Variants in LRRC41 observed in about 807,000 individuals in gnomAD.
LRRC41 encodes the protein leucine rich repeat containing 41.
In LRRC41, 17 loss-of-function variants were observed where a neutral mutation model predicts 72.1. That is an observed-to-expected ratio of 0.24 (90% CI 0.16 to 0.35). The LOEUF is 0.35. LRRC41 is among the 10% of genes least tolerant of loss of function. LRRC41 has a pLI of 1.00. For missense variants in LRRC41, 759 were observed against 1,065.0 expected, an observed-to-expected ratio of 0.71 and a Z score of 4.00; for synonymous variants, 427 against 431.0, an observed-to-expected ratio of 0.99 and a Z score of 0.11.
rs749611106 is a variant in LRRC41 at position 46,279,505 on chromosome 1, T to A, written c.2130A>T (p.Pro710=). 1.9e-6 allele frequency: 3 copies of A among 1,614,238 alleles called. No homozygotes were observed. The highest frequency in any genetic ancestry group is 1.6e-4 in the Middle Eastern group (1 of 6,062). The change falls in exon 8 of 10, where the codon CCA becomes CCT. Residue 710 remains proline (P), a synonymous_variant. Coordinates refer to ENST00000617190, the MANE Select transcript of LRRC41 (RefSeq NM_006369.5). The surrounding 1 kb of genome is among the most constrained non-coding windows in gnomAD (Gnocchi z 4.5). ...TCTGGCCCCCACCCAGGCGGTTCCC[T>A]GGCAGCCGGAGGCCCTTCAGTGTGG... ...GNSTLKGLRL[P]GNRLGNAGLL... is the part of the protein sequence containing the mutation.
intron 1 of LRRC41, chr1:46,299,732 C>G (rs1039031063): frequency 6.6e-6 from 1 of 151,902 alleles, no homozygotes; most frequent in Non-Finnish European, 1.5e-5. Flanking sequence ...CAAAAATTAG[C>G]CAGGTGTAAT....
At chr1:46,297,526 A>G (rs919098528) in intron 3 of LRRC41, 37 bp downstream of exon 3, 14 of 1,548,152 alleles carry the variant, frequency 9.0e-6, no homozygotes, top group Non-Finnish European at 1.2e-5. Flanking sequence ...TTACCATGCA[A>G]AATCAGGCTA....
Position 46,286,052 on chromosome 1 carries a change from C to T in LRRC41, c.805G>A (p.Ala269Thr). ...GGPPCRLCGE[A>T]SRGRAPSRDE... ...CGGGATGGGGCCCGGCCTCGGGAGG[C>T]CTCTCCACAGAGGCGGCAGGGTGGG... The change falls in exon 4 of 10, where the codon GCC becomes ACC. Residue 269 changes from alanine (A) to threonine (T), a missense_variant. Ala to Thr is a moderately conservative substitution (Grantham distance 58). This residue lies in a region of LRRC41 where 427 missense variants were observed against 520.9 expected (regional missense o/e 0.82). Transcript: ENST00000617190. The surrounding 1 kb of genome is among the most constrained non-coding windows in gnomAD (Gnocchi z 5.5). The T allele has an allele frequency of 6.2e-7, 1 of 1,602,768 alleles. No homozygotes were observed. Among genetic ancestry groups the T allele is most frequent in the South Asian group, 1.1e-5 (1 of 90,324 alleles).
chr1:46,303,469 T>C lies in LRRC41; in HGVS notation c.-147A>G. On this transcript the variant is annotated 5_prime_UTR_variant, in exon 1 of 10. Coordinates refer to ENST00000617190, the MANE Select transcript of LRRC41 (RefSeq NM_006369.5). ...AAGAAATTAGCACACTTTCCAAGTC[T>C]CTTAGGAGCTACTATTTTAGATAAA... 1.2e-6 allele frequency: 1 copy of C among 811,350 alleles called. No individual in the cohort carries two copies. The highest frequency in any genetic ancestry group is 1.9e-6 in the Non-Finnish European group (1 of 532,586). The allele number at this position is 811,350 out of a possible 1,614,324, so 50.3% of individuals were successfully genotyped here. A position where few individuals can be genotyped will look rare whatever the true frequency, so the allele number is the denominator to read the frequency against.
intron 3 of LRRC41, among the ~76,000 whole-genome samples, chr1:46,290,840 T>A (rs1660995766): frequency 6.6e-6 from 1 of 151,374 alleles, no homozygotes; most frequent in African/African-American, 2.4e-5. Context: ...ACTCCTGAGC[T>A]CAGGTGATCC....
At chr1:46,290,548 T>C (rs1346426007) in intron 3 of LRRC41, among the ~76,000 whole-genome samples, 1 of 152,208 alleles carries the variant, frequency 6.6e-6, no homozygotes, top group Non-Finnish European at 1.5e-5. Flanking sequence ...TTTTAGAATA[T>C]TTTATTTTGA....
chr1:46,286,582 T>C lies in LRRC41; in HGVS notation c.358-83A>G. ...TCCCTCTCTTCCAATAGCACACTAT[T>C]TACTGAGTCAGGCAACACTACAAAT... On this transcript the variant is annotated intron_variant, in intron 3 of 9. Coordinates refer to ENST00000617190, the MANE Select transcript of LRRC41 (RefSeq NM_006369.5). The surrounding 1 kb of genome is among the most constrained non-coding windows in gnomAD (Gnocchi z 5.5). 1.6e-6 allele frequency: 2 copies of C among 1,270,578 alleles called. No homozygotes were observed. The highest frequency in any genetic ancestry group is 2.2e-6 in the Non-Finnish European group (2 of 916,548). The allele number at this position is 1,270,578 out of a possible 1,614,324, so 78.7% of individuals were successfully genotyped here. A position where few individuals can be genotyped will look rare whatever the true frequency, so the allele number is the denominator to read the frequency against.
rs1449785184 is a variant in LRRC41, at chr1:46,285,460, T to C, written c.1397A>G (p.Glu466Gly). The change falls in exon 4 of 10, where the codon GAG becomes GGG. Residue 466 changes from glutamate (E) to glycine (G), a missense_variant. Glu to Gly is a moderately conservative substitution (Grantham distance 98). Transcript: ENST00000617190. The surrounding 1 kb of genome is among the most constrained non-coding windows in gnomAD (Gnocchi z 5.3). ...TGTGGAGAGTGGAACTGTGAATAGC[T>C]CCAAGGTGGAGATGCTGCGGAATCT... The part of the protein sequence containing the change: ...SQRFRSISTL[E>G]LFTVPLSTEA... The C allele has an allele frequency of 6.2e-7, 1 of 1,614,064 alleles. No individual in the cohort carries two copies.
rs1282156609 is a variant in LRRC41 at position 46,286,703 on chromosome 1, T to C, written c.358-204A>G. 6.6e-6 allele frequency among the ~76,000 whole-genome samples: 1 copy of C among 152,240 alleles called. No individual in the cohort carries two copies. Among genetic ancestry groups the C allele is most frequent in the Admixed American group, 6.5e-5 (1 of 15,282 alleles). ...AAGAGGTGGCCACACAGGTAAGTGG[T>C]TGGATTATTTGAACCCTGGAAATCT... On this transcript the variant is annotated intron_variant, in intron 3 of 9. Transcript: ENST00000617190. This position sits in a 1 kb window ranked among gnomAD's most constrained non-coding sequence, Gnocchi z 5.5.
In LRRC41 at chr1:46,286,541, T is replaced by C. The variant is rs1002698037; in HGVS notation, c.358-42A>G. ...ATGCCAGACAGCCATGATATATCCA[T>C]GAAACTGTCCAAATTTCCCTCTCTT... On this transcript the variant is annotated intron_variant, in intron 3 of 9. Coordinates refer to ENST00000617190, the MANE Select transcript of LRRC41 (RefSeq NM_006369.5). This position sits in a 1 kb window ranked among gnomAD's most constrained non-coding sequence, Gnocchi z 5.5. 3 of 1,531,414 alleles carry C rather than the reference T, an allele frequency of 2.0e-6. No homozygotes were observed. Among genetic ancestry groups the C allele is most frequent in the Non-Finnish European group, 2.6e-6 (3 of 1,139,246 alleles). 94.9% of individuals were successfully genotyped at this position (1,531,414 alleles called of 1,614,324 possible).
intron 2 of LRRC41, among the ~76,000 whole-genome samples, chr1:46,297,867 A>C (rs572452477): frequency 9.8e-5 from 15 of 152,336 alleles, no homozygotes; most frequent in Non-Finnish European, 1.8e-4. Flanking sequence ...TAAAATGTTA[A>C]TAACAGCTAT....
chr1:46,289,378 TAA>T (rs1318625803), intron 3 of LRRC41, among the ~76,000 whole-genome samples: 1 of 152,144 alleles, frequency 6.6e-6, no homozygotes, highest in Non-Finnish European at 1.5e-5. Context: ...GTTAAATGAG[TAA>T]AGTTATGACA....
chr1:46,303,353 G>A lies in LRRC41; in HGVS notation c.-31C>T. On this transcript the variant is annotated 5_prime_UTR_variant, in exon 1 of 10. It introduces an in-frame stop codon into an upstream open reading frame of the 5' UTR. Coordinates refer to ENST00000617190, the MANE Select transcript of LRRC41 (RefSeq NM_006369.5). ...GGAGGTGCGCGAGCCCGAGAGTGTC[G>A]CCCGCGGACCGCCATCTTGAAAAGG... 1 of 1,472,650 alleles carries A rather than the reference G, an allele frequency of 6.8e-7. No homozygotes were observed. Among genetic ancestry groups the A allele is most frequent in the Non-Finnish European group, 9.0e-7 (1 of 1,113,894 alleles). 91.2% of individuals were successfully genotyped at this position (1,472,650 alleles called of 1,614,324 possible).
Position 46,279,886 on chromosome 1 carries a change from G to C in LRRC41, c.2021-272C>G, listed in dbSNP as rs1409996281. Among the ~76,000 whole-genome samples, 2 of 152,140 alleles carry C rather than the reference G, an allele frequency of 1.3e-5. No individual in the cohort carries two copies. Among genetic ancestry groups the C allele is most frequent in the African/African-American group, 4.8e-5 (2 of 41,412 alleles). ...TGGCCACCCTCTATGCGGGGGTGGG[G>C]ATCAGAGAAAAGTCTATGAGGGGAG... On this transcript the variant is annotated intron_variant, in intron 7 of 9. Transcript: ENST00000617190. The surrounding 1 kb of genome is among the most constrained non-coding windows in gnomAD (Gnocchi z 4.5).
chr1:46,301,873 C>T, intron 1 of LRRC41: 1 of 857,328 alleles, frequency 1.2e-6, no homozygotes, highest in Non-Finnish European at 1.4e-6. Context: ...CCTCTTCGCC[C>T]AACTCCAACC....
At chr1:46,280,584 T>G in intron 5 of LRRC41, 24 bp from the exon 6 acceptor site, 1 of 1,610,190 alleles carries the variant, frequency 6.2e-7, no homozygotes, top group Non-Finnish European at 8.5e-7. Context: ...GGAAAGAAGA[T>G]TCCAGCTGGC....
rs896799481 is a variant in LRRC41 at position 46,285,217 on chromosome 1, C to T, written c.1495+145G>A. 2.8e-6 allele frequency: 2 copies of T among 725,898 alleles called. No individual in the cohort carries two copies. Among genetic ancestry groups the T allele is most frequent in the African/African-American group, 3.5e-5 (2 of 56,600 alleles). The allele number at this position is 725,898 out of a possible 1,614,324, so 45.0% of individuals were successfully genotyped here. ...GTTCCTCTCTTCTAGCAATGACAGT[C>T]TCCCCTGCTATGAGGCATACAAGCC... On this transcript the variant is annotated intron_variant, in intron 4 of 9. Transcript: ENST00000617190. The surrounding 1 kb of genome is among the most constrained non-coding windows in gnomAD (Gnocchi z 5.3).
At chr1:46,301,035 G>A (rs561864358) in intron 1 of LRRC41, among the ~76,000 whole-genome samples, 2 of 152,278 alleles carry the variant, frequency 1.3e-5, no homozygotes, top group Admixed American at 6.5e-5. Context: ...AGGGGAAAGG[G>A]AGATTCAGTA....
At position 46,285,579 on chromosome 1, in the gene LRRC41, A is replaced by G; in HGVS notation, c.1278T>C (p.Asp426=). The change falls in exon 4 of 10, where the codon GAT becomes GAC. Residue 426 remains aspartate (D), a synonymous_variant. Coordinates refer to ENST00000617190, the MANE Select transcript of LRRC41 (RefSeq NM_006369.5). The surrounding 1 kb of genome is among the most constrained non-coding windows in gnomAD (Gnocchi z 5.3). The part of the protein sequence containing the change: ...FVFIVAGEKE[D]GEEMEIGEVA... ...CTTCCCCAATCTCCATCTCTTCGCC[A>G]TCCTCCTTCTCGCCAGCCACAATAA... 1 of 1,613,646 alleles carries G rather than the reference A, an allele frequency of 6.2e-7. No homozygotes were observed. Among genetic ancestry groups the G allele is most frequent in the Middle Eastern group, 1.7e-4 (1 of 6,058 alleles).
Sources: allele counts gnomAD v4.1 joint callset (sites outside exome capture counted in the v4.1 genomes callset), GRCh38; gene constraint gnomAD v4.1.1; regional missense constraint gnomAD v4.1.1; non-coding constraint Gnocchi (gnomAD v3.1); transcripts MANE v1.5; gene names NCBI Gene and HGNC (gene_info 2026-07-23, HGNC 2026-07-21).